Variants in RPS6KA2 observed in about 807,000 individuals in gnomAD.
RPS6KA2 encodes ribosomal protein S6 kinase A2, also known as ribosomal protein S6 kinase alpha-2.
Under a neutral mutation model 91.8 loss-of-function variants are expected in RPS6KA2, and 42 were observed. The ratio of observed to expected loss-of-function variants is 0.46; its 90% CI spans 0.36 to 0.59. The LOEUF (loss-of-function observed/expected upper bound fraction) is 0.59, where lower values mean the gene tolerates loss of function less well. RPS6KA2 is among the 20% of genes least tolerant of loss of function. The pLI is 0.00. For synonymous variants in RPS6KA2, 414 were observed against 393.6 expected (o/e 1.05, Z -0.61); for missense variants, 798 against 978.5 (o/e 0.82, Z 2.46).
At chr6:166,751,019 C>T (rs936933306) in intron 2 of RPS6KA2, among the ~76,000 whole-genome samples, 14 of 152,140 alleles carry the variant, frequency 9.2e-5, no homozygotes, top group Admixed American at 2.0e-4. Flanking sequence ...CTTTTGTGAC[C>T]GAAGCTGGCC....
intron 1 of RPS6KA2, among the ~76,000 whole-genome samples, chr6:166,597,588 CG>C (rs1363525262): frequency 6.6e-6 from 1 of 152,124 alleles, no homozygotes; most frequent in Non-Finnish European, 1.5e-5. Context: ...ATAAAGAAAA[CG>C]TAAGCCATTT....
chr6:166,658,447 G>T (rs964024058), intron 2 of RPS6KA2, among the ~76,000 whole-genome samples: 7 of 152,158 alleles, frequency 4.6e-5, no homozygotes, highest in African/African-American at 1.4e-4. Flanking sequence ...CTCCTTCTCT[G>T]GTGTTTCATG....
intron 3 of RPS6KA2, among the ~76,000 whole-genome samples, chr6:166,527,361 G>A (rs1376928679): frequency 2.0e-5 from 3 of 152,294 alleles, no homozygotes; most frequent in East Asian, 3.9e-4. Flanking sequence ...ACATGGAACC[G>A]CCTGATGGAC....
intron 2 of RPS6KA2, among the ~76,000 whole-genome samples, chr6:166,818,324 G>A (rs1007690145): frequency 6.6e-6 from 1 of 152,092 alleles, no homozygotes; most frequent in African/African-American, 2.4e-5. Flanking sequence ...TCTCTGAAGA[G>A]TCCAGGCTAA....
chr6:166,457,875 T>C (rs753064610), intron 12 of RPS6KA2, among the ~76,000 whole-genome samples: 4 of 152,222 alleles, frequency 2.6e-5, no homozygotes, highest in Non-Finnish European at 4.4e-5. Flanking sequence ...ATATATTTGT[T>C]TCCCGATTAT....
At chr6:166,696,664 G>C (rs1562388439) in intron 2 of RPS6KA2, among the ~76,000 whole-genome samples, 1 of 152,204 alleles carries the variant, frequency 6.6e-6, no homozygotes, top group Non-Finnish European at 1.5e-5. Context: ...ATTCTGGGAG[G>C]AGACGAACAT....
chr6:166,514,056 T>C (rs769891768), intron 3 of RPS6KA2, among the ~76,000 whole-genome samples: 3 of 151,864 alleles, frequency 2.0e-5, no homozygotes, highest in Non-Finnish European at 4.4e-5. Context: ...AACTGGAAAA[T>C]AGGCCATAGG....
intron 2 of RPS6KA2, among the ~76,000 whole-genome samples, chr6:166,748,385 A>G (rs1174219325): frequency 6.6e-6 from 1 of 151,498 alleles, no homozygotes; most frequent in Non-Finnish European, 1.5e-5. Context: ...ACCGGCAGAA[A>G]CTCCACCGAG....
At chr6:166,619,227 T>C (rs1786536535) in intron 1 of RPS6KA2, among the ~76,000 whole-genome samples, 2 of 152,242 alleles carry the variant, frequency 1.3e-5, no homozygotes, top group South Asian at 4.1e-4. Flanking sequence ...CCTCATGCTG[T>C]GTCTCGGGTT....
chr6:166,595,212 C>A (rs144913693), intron 1 of RPS6KA2, among the ~76,000 whole-genome samples: 1 of 152,062 alleles, frequency 6.6e-6, no homozygotes, highest in Non-Finnish European at 1.5e-5. Flanking sequence ...CCACCACGTC[C>A]GGCTAATGTT....
At chr6:166,701,309 T>C in intron 2 of RPS6KA2, 1 of 1,560,236 alleles carries the variant, frequency 6.4e-7, no homozygotes, top group Non-Finnish European at 8.6e-7. Flanking sequence ...TCATTCACCG[T>C]TTTGCCTCCT....
At position 166,748,453 on chromosome 6, in the gene RPS6KA2, G is replaced by A. The variant is rs537042365; in HGVS notation, c.123+109747C>T. ...CCACAGGCTAGTGAGGGGGAACTGCGCCGGGAAAGATGCCGGTGCGGGGCT... is the reference window on the plus strand; with the variant it reads ...CCACAGGCTAGTGAGGGGGAACTGCACCGGGAAAGATGCCGGTGCGGGGCT... On this transcript the variant is annotated intron_variant, in intron 2 of 21. Coordinates refer to the RPS6KA2 transcript ENST00000503859. 1.2e-3 allele frequency among the ~76,000 whole-genome samples: 182 copies of A among 152,196 alleles called. 2 individuals carry two copies. The highest frequency in any genetic ancestry group is 6.8e-3 in the Middle Eastern group (2 of 294).
At chr6:166,517,455 GTTTTTTTTTTTTTT>G (rs71032809) in intron 3 of RPS6KA2, among the ~76,000 whole-genome samples, 2 of 104,970 alleles carry the variant, frequency 1.9e-5, no homozygotes, top group Admixed American at 9.6e-5. Flanking sequence ...CTTTTGTTTT[GTTTTTTTTTTTTTT>G]TTTTTTTTTT....
Position 166,767,857 on chromosome 6 carries a change from G to T in RPS6KA2, c.123+90343C>A, listed in dbSNP as rs1416118540. 6.6e-6 allele frequency among the ~76,000 whole-genome samples: 1 copy of T among 151,954 alleles called. No homozygotes were observed. Among genetic ancestry groups the T allele is most frequent in the Non-Finnish European group, 1.5e-5 (1 of 68,014 alleles). On this transcript the variant is annotated intron_variant, in intron 2 of 21. Transcript: ENST00000503859. The surrounding 1 kb of genome is among the most constrained non-coding windows in gnomAD (Gnocchi z 4.6). ...CCGGCCACCACAGAGTGTGTGCGGG[G>T]ATTGCTAACCATGGCAGAGCCTGCT...
At chr6:166,560,177 A>G (rs1381825202) in intron 1 of RPS6KA2, among the ~76,000 whole-genome samples, 2 of 152,204 alleles carry the variant, frequency 1.3e-5, no homozygotes, top group Non-Finnish European at 2.9e-5. Flanking sequence ...GAAGCCACCA[A>G]TGAATAAGCT....
At chr6:166,667,783 G>A (rs1003186421) in intron 2 of RPS6KA2, among the ~76,000 whole-genome samples, 8 of 152,160 alleles carry the variant, frequency 5.3e-5, no homozygotes, top group African/African-American at 1.2e-4. Context: ...ACAGCTAGGC[G>A]TTTTGAATGA....
chr6:166,685,966 G>A (rs903964105), intron 2 of RPS6KA2, among the ~76,000 whole-genome samples: 6 of 152,210 alleles, frequency 3.9e-5, no homozygotes, highest in African/African-American at 1.4e-4. Flanking sequence ...GACAGAGGGC[G>A]AACGAAGGGG....
At chr6:166,543,747 A>G (rs934319226) in intron 1 of RPS6KA2, among the ~76,000 whole-genome samples, 1 of 152,106 alleles carries the variant, frequency 6.6e-6, no homozygotes, top group African/African-American at 2.4e-5. Flanking sequence ...TCAAATCTCA[A>G]TCTCCAGCAG....
rs1230847428 is a variant in RPS6KA2 at position 166,603,937 on chromosome 6, G to A, written c.99+22984C>T. Among the ~76,000 whole-genome samples the A allele has an allele frequency of 5.3e-5, 8 of 152,204 alleles. No homozygotes were observed. The East Asian group carries it at 9.6e-4, about 18-fold the overall frequency. Reference sequence around the variant, plus strand: ...GCTGACATGTTGGAAGGGGTGAGATGAGAGCTAAGAACTTCTCCAACTCGT... The same window carrying A: ...GCTGACATGTTGGAAGGGGTGAGATAAGAGCTAAGAACTTCTCCAACTCGT... On this transcript the variant is annotated intron_variant, in intron 1 of 20. Coordinates refer to ENST00000265678, the MANE Select transcript of RPS6KA2 (RefSeq NM_021135.6). This position sits in a 1 kb window ranked among gnomAD's most constrained non-coding sequence, Gnocchi z 4.3.
Sources: allele counts gnomAD v4.1 joint callset (sites outside exome capture counted in the v4.1 genomes callset), GRCh38; gene constraint gnomAD v4.1.1; non-coding constraint Gnocchi (gnomAD v3.1); transcripts MANE v1.5; gene names NCBI Gene and HGNC (gene_info 2026-07-23, HGNC 2026-07-21).